Variants in VRTN observed in about 807,000 individuals in gnomAD.
VRTN encodes vertebrae development associated.
A neutral mutation model predicts 18.2 loss-of-function variants in VRTN; 5 were observed. That is an observed-to-expected ratio of 0.27 (90% confidence interval 0.14 to 0.58). The LOEUF is 0.58. Ranked by LOEUF, VRTN falls within the 20% of genes least tolerant of loss-of-function variation. The pLI, the probability that VRTN is intolerant of heterozygous loss-of-function variation, is 0.91. For missense variants in VRTN, 741 were observed against 939.4 expected (o/e 0.79, Z 2.76); for synonymous variants, 381 against 393.7 (o/e 0.97, Z 0.38).
intron 2 of VRTN, among the ~76,000 whole-genome samples, chr14:74,339,608 G>A (rs1170921063): frequency 6.6e-6 from 1 of 152,092 alleles, no homozygotes; most frequent in African/African-American, 2.4e-5. Flanking sequence ...GAGCCCAGGA[G>A]TTCTAGAGCA....
chr14:74,327,296 C>T (rs1419210142), intron 1 of VRTN, among the ~76,000 whole-genome samples: 1 of 152,156 alleles, frequency 6.6e-6, no homozygotes, highest in African/African-American at 2.4e-5. Flanking sequence ...GGATGTGAAT[C>T]CAGGTCTTCC....
Position 74,357,553 on chromosome 14 carries a change from C to T in VRTN, c.770C>T (p.Ala257Val), listed in dbSNP as rs771875907. 1.9e-6 allele frequency: 3 copies of T among 1,613,712 alleles called. No individual in the cohort carries two copies. The highest frequency in any genetic ancestry group is 1.7e-5 in the Admixed American group (1 of 60,000). Residue 257 changes from alanine (A) to valine (V), a missense_variant, in exon 2 of 2, where the codon GCT becomes GTT. Coordinates refer to ENST00000256362, the MANE Select transcript of VRTN (RefSeq NM_018228.3). This position sits in a 1 kb window ranked among gnomAD's most constrained non-coding sequence, Gnocchi z 7.8. ...EAEGAPGVAP[A>V]LPALAPLSSP... ...GAAGGTGCCCCTGGCGTGGCCCCAG[C>T]TCTTCCAGCCCTGGCCCCACTCTCA...
chr14:74,349,481 G>A (rs1171441195), intron 1 of VRTN, among the ~76,000 whole-genome samples: 1 of 152,216 alleles, frequency 6.6e-6, no homozygotes, highest in Non-Finnish European at 1.5e-5. Flanking sequence ...CCATGTGCAG[G>A]TTGACTATAG....
chr14:74,349,826 GGCTTTACTGGA>G (rs1215309380), intron 1 of VRTN, among the ~76,000 whole-genome samples: 1 of 152,122 alleles, frequency 6.6e-6, no homozygotes, highest in Admixed American at 6.5e-5. Flanking sequence ...TTCATTCCTT[GGCTTTACTGGA>G]GCTAAGATCC....
chr14:74,353,403 T>G (rs550888796), intron 1 of VRTN, among the ~76,000 whole-genome samples: 1 of 152,324 alleles, frequency 6.6e-6, no homozygotes, highest in Non-Finnish European at 1.5e-5. Context: ...ATAATGGTAG[T>G]ACTTAAAGTA....
Position 74,359,059 on chromosome 14 carries a change from T to C in VRTN, c.*167T>C, listed in dbSNP as rs2085760950. ...TATTTTCTGGCTCCAGGACAGAGAATGCCAGAAATCAGCCATCTGGTCTCC... is the reference window on the plus strand; with the variant it reads ...TATTTTCTGGCTCCAGGACAGAGAACGCCAGAAATCAGCCATCTGGTCTCC... On this transcript the variant is annotated 3_prime_UTR_variant, in exon 2 of 2. Transcript: ENST00000256362. The C allele has an allele frequency of 7.6e-7, 1 of 1,311,142 alleles. No individual in the cohort carries two copies. The highest frequency in any genetic ancestry group is 2.6e-5 in the South Asian group (1 of 39,120). 81.2% of individuals were successfully genotyped at this position (1,311,142 alleles called of 1,614,324 possible). A position where few individuals can be genotyped will look rare whatever the true frequency, so the allele number is the denominator to read the frequency against.
rs190401533 is a variant in VRTN at position 74,304,782 on chromosome 14, T to A, written c.-164+1606T>A. 4.6e-5 allele frequency among the ~76,000 whole-genome samples: 7 copies of A among 152,236 alleles called. No homozygotes were observed. In the East Asian group the frequency reaches 1.4e-3, roughly 29 times the overall value. ...GCATTTAACTCAGCATGGGGAAAAGTGGAATCTAGAAAGACTTTGAAGAGG... is the reference window on the plus strand; with the variant it reads ...GCATTTAACTCAGCATGGGGAAAAGAGGAATCTAGAAAGACTTTGAAGAGG... On this transcript the variant is annotated intron_variant, in intron 1 of 2. Transcript: ENST00000557177.
rs1567047582 is a variant in VRTN, at chr14:74,358,898, AG to A, written c.*8del. On this transcript the variant is annotated 3_prime_UTR_variant, in exon 2 of 2. Coordinates refer to ENST00000256362, the MANE Select transcript of VRTN (RefSeq NM_018228.3). This position sits in a 1 kb window ranked among gnomAD's most constrained non-coding sequence, Gnocchi z 5.4. Reference sequence around the variant, plus strand: ...TGACCCTGGTAGATGGCTGACAGGGAGGTACAAAAGGGGCTGGGAAGAAGGG... The same window carrying A: ...TGACCCTGGTAGATGGCTGACAGGGAGTACAAAAGGGGCTGGGAAGAAGGG... 11 of 1,601,270 alleles carry A rather than the reference AG, an allele frequency of 6.9e-6. No individual in the cohort carries two copies. Among genetic ancestry groups the A allele is most frequent in the Middle Eastern group, 1.7e-4 (1 of 6,008 alleles).
At chr14:74,335,538 A>G (rs1204970624) in intron 1 of VRTN, among the ~76,000 whole-genome samples, 13 of 152,128 alleles carry the variant, frequency 8.5e-5, no homozygotes, top group Non-Finnish European at 1.8e-4. Context: ...TCTTTCATTT[A>G]ATCCTTATCA....
intron 1 of VRTN, among the ~76,000 whole-genome samples, chr14:74,311,740 C>T (rs530793080): frequency 9.1e-4 from 128 of 139,992 alleles, no homozygotes; most frequent in Middle Eastern, 4.3e-3. Context: ...TGTAATATAT[C>T]TTGGAAGTTG....
At chr14:74,349,763 C>A (rs1393426797) in intron 1 of VRTN, among the ~76,000 whole-genome samples, 1 of 152,122 alleles carries the variant, frequency 6.6e-6, no homozygotes, top group East Asian at 1.9e-4. Flanking sequence ...GGGAGGCTGA[C>A]CTTGGTGAAG....
chr14:74,316,833 T>G (rs2085421867), intron 1 of VRTN, among the ~76,000 whole-genome samples: 1 of 151,846 alleles, frequency 6.6e-6, no homozygotes, highest in African/African-American at 2.4e-5. Context: ...GAGACGGGGT[T>G]TCACTGTGTT....
At chr14:74,303,717 T>G (rs1326788893) in intron 1 of VRTN, among the ~76,000 whole-genome samples, 2 of 152,002 alleles carry the variant, frequency 1.3e-5, no homozygotes, top group Non-Finnish European at 2.9e-5. Context: ...TGGATGTGTC[T>G]TCTCACTTTC....
rs1437490497 is a variant in VRTN, at chr14:74,358,264, C to A, written c.1481C>A (p.Pro494His). ...GNATGEDPPAPGELLPLRMPL... is the reference protein window; with the variant it reads ...GNATGEDPPAHGELLPLRMPL... ...GCCACAGGTGAGGACCCTCCCGCCC[C>A]CGGGGAGCTCCTGCCACTAAGGATG... Residue 494 changes from proline (P) to histidine (H), a missense_variant, in exon 2 of 2, where the codon CCC becomes CAC. Physicochemically the swap from Pro to His is moderately conservative, Grantham distance 77 (BLOSUM62 -2). This residue lies in a region of VRTN where 494 missense variants were observed against 546.5 expected (regional missense o/e 0.90). Coordinates refer to ENST00000256362, the MANE Select transcript of VRTN (RefSeq NM_018228.3). The surrounding 1 kb of genome is among the most constrained non-coding windows in gnomAD (Gnocchi z 5.4). 1 of 1,610,952 alleles carries A rather than the reference C, an allele frequency of 6.2e-7. No homozygotes were observed. Among genetic ancestry groups the A allele is most frequent in the African/African-American group, 1.3e-5 (1 of 75,008 alleles).
intron 1 of VRTN, among the ~76,000 whole-genome samples, chr14:74,310,449 ATGGAC>A (rs2085380573): frequency 6.6e-6 from 1 of 150,894 alleles, no homozygotes. Context: ...GATTCAGAAC[ATGGAC>A]CTCAGAGCCG....
intron 1 of VRTN, among the ~76,000 whole-genome samples, chr14:74,303,607 G>A (rs1441551750): frequency 6.6e-6 from 1 of 152,134 alleles, no homozygotes; most frequent in African/African-American, 2.4e-5. Context: ...TTGAATGAAT[G>A]AAATGCTTAT....
intron 1 of VRTN, among the ~76,000 whole-genome samples, chr14:74,310,135 C>T (rs1469372143): frequency 2.0e-5 from 3 of 152,140 alleles, no homozygotes; most frequent in South Asian, 2.1e-4. Context: ...CCATGGCTCA[C>T]GCCTGTAATC....
At chr14:74,312,154 G>A (rs1370910749) in intron 1 of VRTN, among the ~76,000 whole-genome samples, 1 of 152,078 alleles carries the variant, frequency 6.6e-6, no homozygotes, top group Non-Finnish European at 1.5e-5. Context: ...CATAAGTCAG[G>A]GACTGTCTCT....
intron 1 of VRTN, among the ~76,000 whole-genome samples, chr14:74,304,246 TC>T (rs1022644457): frequency 2.6e-5 from 4 of 151,844 alleles, no homozygotes; most frequent in African/African-American, 9.7e-5. Context: ...AACCTGTGCC[TC>T]CCGGGTTCAA....
Sources: allele counts gnomAD v4.1 joint callset (sites outside exome capture counted in the v4.1 genomes callset), GRCh38; gene constraint gnomAD v4.1.1; regional missense constraint gnomAD v4.1.1; non-coding constraint Gnocchi (gnomAD v3.1); transcripts MANE v1.5; gene names NCBI Gene and HGNC (gene_info 2026-07-23, HGNC 2026-07-21).